TARS3: variants seen among roughly 807,000 people sequenced by gnomAD.
TARS3 encodes the protein threonyl-tRNA synthetase 3.
A neutral mutation model predicts 103.5 loss-of-function variants in TARS3; 94 were observed. The observed-to-expected ratio is 0.91, with a 90% CI of 0.77 to 1.08. TARS3 has a LOEUF of 1.08. TARS3 is among the 50% of genes least tolerant of loss of function. The pLI, the probability that TARS3 is intolerant of heterozygous loss-of-function variation, is 0.00. For missense variants in TARS3, 952 were observed against 995.2 expected, an observed-to-expected ratio of 0.96 and a Z score of 0.58; for synonymous variants, 416 against 355.4, an observed-to-expected ratio of 1.17 and a Z score of -1.92.
intron 17 of TARS3, among the ~76,000 whole-genome samples, chr15:101,657,312 G>A (rs1209760340): frequency 6.6e-6 from 1 of 152,248 alleles, no homozygotes; most frequent in Non-Finnish European, 1.5e-5. Flanking sequence ...AAGCACCCAG[G>A]TGATGAGGAG....
At chr15:101,656,698 T>C (rs1414674046) in intron 18 of TARS3, among the ~76,000 whole-genome samples, 2 of 152,114 alleles carry the variant, frequency 1.3e-5, no homozygotes, top group Admixed American at 6.5e-5. Flanking sequence ...CTAGTAAAAC[T>C]ATCCCAGGGG....
At chr15:101,681,762 AC>A (rs1218641513) in intron 12 of TARS3, among the ~76,000 whole-genome samples, 1 of 152,192 alleles carries the variant, frequency 6.6e-6, no homozygotes, top group Non-Finnish European at 1.5e-5. Flanking sequence ...AATCTCATCT[AC>A]ACCTAATTAC....
At position 101,702,225 on chromosome 15, in the gene TARS3, G is replaced by A; in HGVS notation, c.1221+14C>T. ...TTATGATTACATCTCCAGTGATTAA[G>A]ATGTGGGGCATACCTTCCCGATCTT... is the stretch of plus-strand genomic sequence containing the variant. On this transcript the variant is annotated intron_variant, in intron 9 of 18. Coordinates refer to ENST00000335968, the MANE Select transcript of TARS3 (RefSeq NM_152334.3). 1 of 1,614,010 alleles carries A rather than the reference G, an allele frequency of 6.2e-7. No individual in the cohort carries two copies. The highest frequency in any genetic ancestry group is 8.5e-7 in the Non-Finnish European group (1 of 1,179,924).
chr15:101,703,838 T>C (rs373098354), intron 8 of TARS3, 21 bp downstream of exon 8: 141 of 1,519,390 alleles, frequency 9.3e-5, no homozygotes, highest in Non-Finnish European at 1.2e-4. Flanking sequence ...TTTACTGTAT[T>C]AAAAAAAAAT....
chr15:101,703,901 A>G lies in TARS3; in HGVS notation c.1032T>C (p.His344=), dbSNP rs146844921. The G allele has an allele frequency of 1.2e-6, 2 of 1,613,300 alleles. No individual in the cohort carries two copies. The highest frequency in any genetic ancestry group is 1.3e-5 in the African/African-American group (1 of 74,918). The change falls in exon 8 of 19, where the codon CAT becomes CAC. Residue 344 remains histidine (H), a synonymous_variant. Coordinates refer to ENST00000335968, the MANE Select transcript of TARS3 (RefSeq NM_152334.3). ...TTTTAATTTTTCCAGTGTGTCTTAC[A>G]TGTGGACCTTTGCAAAGGTCAATTA... ...GPLIDLCKGP[H]VRHTGKIKTI...
chr15:101,662,937 C>G (rs966926734), intron 15 of TARS3, among the ~76,000 whole-genome samples: 3 of 152,120 alleles, frequency 2.0e-5, no homozygotes, highest in Non-Finnish European at 4.4e-5. Flanking sequence ...CCAAAATAAC[C>G]CCAGTGGATT....
At chr15:101,693,995 C>A (rs915106989) in intron 10 of TARS3, among the ~76,000 whole-genome samples, 2 of 151,324 alleles carry the variant, frequency 1.3e-5, no homozygotes, top group Non-Finnish European at 2.9e-5. Flanking sequence ...ATCAAAAAGG[C>A]GTACATTTTA....
rs1211851633 is a variant in TARS3, at chr15:101,703,785, A to G, written c.1074+74T>C. The G allele has an allele frequency of 2.7e-5, 24 of 873,986 alleles. No individual in the cohort carries two copies. In the East Asian group the frequency reaches 4.2e-4, roughly 15 times the overall value. The allele number at this position is 873,986 out of a possible 1,614,324, so 54.1% of individuals were successfully genotyped here. On this transcript the variant is annotated intron_variant, in intron 8 of 18. Transcript: ENST00000335968. Reference sequence around the variant, plus strand: ...TTCAGACTACAAAAGATATGATTGAATAAGATATGATTAAAATCCTTTAAT... The same window carrying G: ...TTCAGACTACAAAAGATATGATTGAGTAAGATATGATTAAAATCCTTTAAT...
intron 18 of TARS3, among the ~76,000 whole-genome samples, chr15:101,655,196 A>G (rs1486452331): frequency 2.0e-5 from 3 of 146,814 alleles, no homozygotes; most frequent in Non-Finnish European, 4.5e-5. Flanking sequence ...CGCAAATGAG[A>G]GCGGGGAGCT....
At chr15:101,702,177 G>A in intron 9 of TARS3, 62 bp downstream of exon 9, 5 of 1,579,348 alleles carry the variant, frequency 3.2e-6, no homozygotes, top group Non-Finnish European at 4.3e-6. Flanking sequence ...AGTTTTGTGA[G>A]ACAGAAACAT....
intron 10 of TARS3, among the ~76,000 whole-genome samples, chr15:101,691,584 A>T (rs755109908): frequency 1.6e-4 from 24 of 152,160 alleles, no homozygotes; most frequent in Non-Finnish European, 3.1e-4. Context: ...CCAGCCTTTT[A>T]AATTTTCTTC....
At chr15:101,663,908 T>C (rs1897477875) in intron 15 of TARS3, among the ~76,000 whole-genome samples, 2 of 152,210 alleles carry the variant, frequency 1.3e-5, no homozygotes, top group Non-Finnish European at 2.9e-5. Flanking sequence ...TTTCTGTTCA[T>C]TTCACAGGAA....
chr15:101,665,974 C>G (rs907751438), intron 15 of TARS3, among the ~76,000 whole-genome samples: 1 of 152,044 alleles, frequency 6.6e-6, no homozygotes, highest in Admixed American at 6.5e-5. Flanking sequence ...CTCGGGAGCC[C>G]CTCCAATAAA....
intron 3 of TARS3, among the ~76,000 whole-genome samples, chr15:101,715,204 T>G (rs1225821294): frequency 6.6e-6 from 1 of 150,406 alleles, no homozygotes; most frequent in Non-Finnish European, 1.5e-5. Flanking sequence ...TGGAGTGCAG[T>G]GGCGGGATCT....
chr15:101,695,268 T>TC (rs1219018083), intron 10 of TARS3, among the ~76,000 whole-genome samples: 1 of 152,146 alleles, frequency 6.6e-6, no homozygotes, highest in African/African-American at 2.4e-5. Context: ...CTGGAGTCAA[T>TC]CCCCTCTCCC....
In TARS3 at chr15:101,655,769, G is replaced by A. The variant is rs1296805602; in HGVS notation, c.2261-1039C>T. 5 of 1,150,088 alleles carry A rather than the reference G, an allele frequency of 4.3e-6. No homozygotes were observed. In the East Asian group the frequency reaches 2.9e-4, roughly 67 times the overall value. 71.2% of individuals were successfully genotyped at this position (1,150,088 alleles called of 1,614,324 possible). ...CTGGCACTAGGGTGCAGATGAGAGT[G>A]GGGAGCTCTTACAGGCTCACACTGA... On this transcript the variant is annotated intron_variant, in intron 18 of 18. Transcript: ENST00000335968.
Position 101,708,800 on chromosome 15 carries a change from A to G in TARS3, c.923T>C (p.Met308Thr). 1.2e-6 allele frequency: 2 copies of G among 1,609,358 alleles called. No homozygotes were observed. The highest frequency in any genetic ancestry group is 1.7e-6 in the Non-Finnish European group (2 of 1,175,710). ...LEVSKEILLE[M>T]FKYNKFKCRI... ...GGAGTTTCCCCAAGTTACCTTAAACATTTCCAGGAGGATTTCCTTGCTGAC... is the reference window on the plus strand; with the variant it reads ...GGAGTTTCCCCAAGTTACCTTAAACGTTTCCAGGAGGATTTCCTTGCTGAC... The change falls in exon 6 of 19, where the codon ATG becomes ACG. Residue 308 changes from methionine to threonine, a missense_variant. By Grantham distance (81) the Met-to-Thr change is moderately conservative (BLOSUM62 -1). Around this residue, in one of 2 missense-constraint regions of TARS3, gnomAD observed 540 missense variants for 631.0 expected, o/e 0.86. Coordinates refer to ENST00000335968, the MANE Select transcript of TARS3 (RefSeq NM_152334.3).
chr15:101,709,826 A>C (rs1899769561), intron 5 of TARS3, among the ~76,000 whole-genome samples: 1 of 152,246 alleles, frequency 6.6e-6, no homozygotes, highest in Non-Finnish European at 1.5e-5. Context: ...ACGGGATGTG[A>C]TACTGTGATA....
intron 4 of TARS3, among the ~76,000 whole-genome samples, chr15:101,713,136 G>T (rs993732889): frequency 6.6e-6 from 1 of 152,234 alleles, no homozygotes; most frequent in Non-Finnish European, 1.5e-5. Context: ...CGAAGACACA[G>T]GCAATAAACA....
Sources: gnomAD v4.1 joint callset for allele counts (sites outside exome capture counted in the v4.1 genomes callset) on GRCh38, gnomAD v4.1.1 for gene constraint, gnomAD v4.1.1 regional missense constraint, MANE v1.5 for transcripts, NCBI Gene and HGNC (gene_info 2026-07-23, HGNC 2026-07-21) for gene names.